The following SHROOM4 variants were observed in gnomAD, a reference collection of about 807,000 sequenced individuals.
SHROOM4 encodes the protein shroom family member 4.
Under a neutral mutation model 80.3 loss-of-function variants are expected in SHROOM4, and 17 were observed. The ratio of observed to expected loss-of-function variants is 0.21; its 90% CI spans 0.14 to 0.32. The LOEUF (loss-of-function observed/expected upper bound fraction) is 0.32, where lower values mean the gene tolerates loss of function less well. SHROOM4 is among the 10% of genes least tolerant of loss of function. The probability of loss-of-function intolerance (pLI) is 1.00; values close to 1 mark genes in which losing one functional copy is unlikely to be tolerated. For missense variants in SHROOM4, 993 were observed against 1,140.3 expected (o/e 0.87, Z 1.86); for synonymous variants, 400 against 437.5 (o/e 0.91, Z 1.07).
chrX:50,804,662 A>C (rs1401330864), intron 1 of SHROOM4, among the ~76,000 whole-genome samples: 1 of 112,367 alleles, frequency 8.9e-6, no homozygotes, highest in African/African-American at 3.2e-5. Flanking sequence ...CTTCATCTGC[A>C]CAATGGAGAC....
intron 2 of SHROOM4, among the ~76,000 whole-genome samples, chrX:50,655,884 T>C (rs187712097): frequency 7.2e-5 from 8 of 111,200 alleles, no homozygotes; most frequent in African/African-American, 2.3e-4. Context: ...TTTCTACCAA[T>C]AGTGTATAAG....
the SHROOM4 span, among the ~76,000 whole-genome samples, chrX:50,576,010 C>T: frequency 8.9e-6 from 1 of 111,829 alleles, no homozygotes; most frequent in East Asian, 2.8e-4. Context: ...GCCGCTAGGC[C>T]TTCCAGTGTC....
intron 2 of SHROOM4, among the ~76,000 whole-genome samples, chrX:50,661,876 T>C (rs938335497): frequency 1.8e-5 from 2 of 111,388 alleles, no homozygotes; most frequent in Non-Finnish European, 3.8e-5. Flanking sequence ...TCCCTAGATA[T>C]AGAAATCTGG....
intron 1 of SHROOM4, among the ~76,000 whole-genome samples, chrX:50,785,208 T>TA (rs782133241): frequency 2.0e-4 from 22 of 111,748 alleles, no homozygotes; most frequent in African/African-American, 6.5e-4. Flanking sequence ...TTGACAGCTT[T>TA]AAAAAATGAT....
downstream of SHROOM4, among the ~76,000 whole-genome samples, chrX:50,582,961 C>A (rs1309662378): frequency 9.1e-6 from 1 of 110,234 alleles, no homozygotes; most frequent in Non-Finnish European, 1.9e-5. Context: ...AGAGTTCTTA[C>A]AATCAGCATT....
intron 4 of SHROOM4, among the ~76,000 whole-genome samples, chrX:50,632,800 T>C (rs977259613): frequency 6.2e-4 from 70 of 112,239 alleles, no homozygotes; most frequent in African/African-American, 2.1e-3. Flanking sequence ...ATTTTAGAGA[T>C]GAGGTAGTGA....
intron 1 of SHROOM4, among the ~76,000 whole-genome samples, chrX:50,734,045 T>A (rs1263957273): frequency 3.6e-5 from 4 of 112,076 alleles, no homozygotes; most frequent in Non-Finnish European, 5.6e-5. Flanking sequence ...AATAACATAC[T>A]TTGGAATAAA....
At chrX:50,621,423 C>T (rs1288639408) in intron 5 of SHROOM4, among the ~76,000 whole-genome samples, 1 of 111,916 alleles carries the variant, frequency 8.9e-6, no homozygotes, top group Non-Finnish European at 1.9e-5. Context: ...TTTCCGCCCA[C>T]TTACTTATTC....
At chrX:50,579,930 C>T in the SHROOM4 span, among the ~76,000 whole-genome samples, 1 of 111,639 alleles carries the variant, frequency 9.0e-6, no homozygotes, top group African/African-American at 3.3e-5. Flanking sequence ...ACAACCAGCA[C>T]CCCTAACATT....
Position 50,633,706 on chromosome X carries a change from C to A in SHROOM4, c.2367G>T (p.Leu789Phe), listed in dbSNP as rs1931183962. 1.7e-6 allele frequency: 2 copies of A among 1,210,368 alleles called. No homozygotes were observed. Among genetic ancestry groups the A allele is most frequent in the South Asian group, 1.8e-5 (1 of 56,809 alleles). Residue 789 changes from leucine (L) to phenylalanine (F), a missense_variant, in exon 4 of 9, where the codon TTG becomes TTT. Physicochemically the swap from Leu to Phe is conservative, Grantham distance 22. Coordinates refer to ENST00000376020, the MANE Select transcript of SHROOM4 (RefSeq NM_020717.5). Reference sequence around the variant, plus strand: ...TGTTGCTATGAGTGGTTAAACCTGGCAAATGAGATGTAGATAAGGATTTGC... The same window carrying A: ...TGTTGCTATGAGTGGTTAAACCTGGAAAATGAGATGTAGATAAGGATTTGC... ...ESSKSLSTSHLPGLTTHSNKT... is the reference protein window; with the variant it reads ...ESSKSLSTSHFPGLTTHSNKT...
At position 50,635,118 on chromosome X, in the gene SHROOM4, C is replaced by A. The variant is rs1309971120; in HGVS notation, c.955G>T (p.Ala319Ser). The change falls in exon 4 of 9, where the codon GCA becomes TCA. Residue 319 changes from alanine to serine, a missense_variant. Coordinates refer to ENST00000376020, the MANE Select transcript of SHROOM4 (RefSeq NM_020717.5). Reference sequence around the variant, plus strand: ...CAACAGAACCTATTAGGGTTCCTTGCGGGTAGCACAGGCTCTAAGCTCAGT... The same window carrying A: ...CAACAGAACCTATTAGGGTTCCTTGAGGGTAGCACAGGCTCTAAGCTCAGT... ...EKLSLEPVLP[A>S]RNPNRFCCLS... The A allele has an allele frequency of 2.5e-6, 3 of 1,211,289 alleles. No individual in the cohort carries two copies. The highest frequency in any genetic ancestry group is 3.0e-5 in the East Asian group (1 of 33,813).
intron 2 of SHROOM4, among the ~76,000 whole-genome samples, chrX:50,645,548 A>G (rs1557257799): frequency 8.9e-6 from 1 of 111,953 alleles, no homozygotes; most frequent in East Asian, 2.8e-4. Context: ...AAGGGTGCGA[A>G]GATGAGAGTT....
chrX:50,720,928 A>T (rs1220081335), intron 1 of SHROOM4, among the ~76,000 whole-genome samples: 1 of 112,160 alleles, frequency 8.9e-6, no homozygotes, highest in Admixed American at 9.4e-5. Context: ...TAGAATATGA[A>T]GCGAGAGCAA....
In SHROOM4 at chrX:50,640,176, T is replaced by C. The variant is rs782475778; in HGVS notation, c.270-1868A>G. Among the ~76,000 whole-genome samples the C allele has an allele frequency of 3.8e-4, 42 of 111,850 alleles. 1 individual carries two copies. Among genetic ancestry groups the C allele is most frequent in the Non-Finnish European group, 6.8e-4 (36 of 53,177 alleles). ...GTAGTAGTACTATGTACCATGGGTATCTACTATGACCTATGCTTTTAGACA... is the reference window on the plus strand; with the variant it reads ...GTAGTAGTACTATGTACCATGGGTACCTACTATGACCTATGCTTTTAGACA... On this transcript the variant is annotated intron_variant, in intron 2 of 8. Transcript: ENST00000376020.
At chrX:50,788,577 C>T (rs1188239350) in intron 1 of SHROOM4, among the ~76,000 whole-genome samples, 1 of 100,042 alleles carries the variant, frequency 1.0e-5, no homozygotes, top group Non-Finnish European at 2.0e-5. Context: ...CACTGCACTC[C>T]AGCTTGGGTG....
At chrX:50,640,985 G>A (rs1931569713) in intron 2 of SHROOM4, among the ~76,000 whole-genome samples, 1 of 112,434 alleles carries the variant, frequency 8.9e-6, no homozygotes, top group Non-Finnish European at 1.9e-5. Flanking sequence ...CAATGCAAGT[G>A]CTTTGAATCA....
Position 50,633,830 on chromosome X carries a change from G to C in SHROOM4, c.2243C>G (p.Pro748Arg). 8.2e-7 allele frequency: 1 copy of C among 1,212,233 alleles called. No individual in the cohort carries two copies. Among genetic ancestry groups the C allele is most frequent in the Non-Finnish European group, 1.1e-6 (1 of 895,634 alleles). The change falls in exon 4 of 9, where the codon CCA becomes CGA. Residue 748 changes from proline to arginine, a missense_variant. Transcript: ENST00000376020. ...VAAAMEGPSN[P>R]GDNKELKAST... ...AGCCTTCAATTCCTTGTTGTCACCT[G>C]GGTTGGAAGGGCCTTCCATGGCTGC...
At chrX:50,700,857 T>C (rs1408070572) in intron 1 of SHROOM4, among the ~76,000 whole-genome samples, 3 of 111,955 alleles carry the variant, frequency 2.7e-5, no homozygotes, top group Non-Finnish European at 5.6e-5. Context: ...ATTAAAAAGA[T>C]GTAAGTAGAC....
intron 5 of SHROOM4, among the ~76,000 whole-genome samples, chrX:50,609,188 G>C (rs1602362584): frequency 1.8e-5 from 2 of 110,254 alleles, no homozygotes; most frequent in East Asian, 5.7e-4. Flanking sequence ...CTTGAGACTG[G>C]GAGGTCGAGG....
Sources: allele counts gnomAD v4.1 joint callset (sites outside exome capture counted in the v4.1 genomes callset), GRCh38; gene constraint gnomAD v4.1.1; transcripts MANE v1.5; gene names NCBI Gene and HGNC (gene_info 2026-07-23, HGNC 2026-07-21).